The following ERC1 variants were observed in gnomAD, a reference collection of about 807,000 sequenced individuals.
ERC1 encodes RAB6 interacting protein 2.
A neutral mutation model predicts 132.0 loss-of-function variants in ERC1; 56 were observed. The observed-to-expected ratio is 0.42, with a 90% CI of 0.34 to 0.53. The LOEUF is 0.53. Ranked by LOEUF, ERC1 falls within the 20% of genes least tolerant of loss-of-function variation. The pLI is 0.03. For synonymous variants in ERC1, 478 were observed against 476.1 expected, an observed-to-expected ratio of 1.00 and a Z score of -0.05; for missense variants, 1,202 against 1,349.9, an observed-to-expected ratio of 0.89 and a Z score of 1.72.
intron 1 of ERC1, among the ~76,000 whole-genome samples, chr12:996,627 T>G (rs138350177): frequency 9.9e-4 from 150 of 152,210 alleles, no homozygotes; most frequent in African/African-American, 3.3e-3. Flanking sequence ...CAGAACAAAA[T>G]AGGCAACCTG....
At chr12:1,488,742 C>T (rs1234199533) in intron 18 of ERC1, among the ~76,000 whole-genome samples, 3 of 152,184 alleles carry the variant, frequency 2.0e-5, no homozygotes, top group Non-Finnish European at 2.9e-5. Context: ...CTGTCTCCTT[C>T]GTTCTTGGTC....
intron 12 of ERC1, among the ~76,000 whole-genome samples, chr12:1,208,992 G>A (rs1324316979): frequency 8.5e-6 from 1 of 118,046 alleles, no homozygotes; most frequent in Admixed American, 9.6e-5. Flanking sequence ...TTTTTGAGGT[G>A]GAGTCTTGCC....
rs746546910 is a variant in ERC1, at chr12:1,070,829, A to G, written c.670-12335A>G. On this transcript the variant is annotated intron_variant, in intron 2 of 18. Coordinates refer to ENST00000360905, the MANE Select transcript of ERC1 (RefSeq NM_178040.4). ...AGATACAGAACATTTCCATCATCCC[A>G]CAAAGTTCCCTTGCATCTCTCCCCA... 2.6e-5 allele frequency among the ~76,000 whole-genome samples: 4 copies of G among 152,254 alleles called. No individual in the cohort carries two copies. In the South Asian group the frequency reaches 6.2e-4, roughly 24 times the overall value.
chr12:1,161,909 T>C (rs1202129174), intron 8 of ERC1, among the ~76,000 whole-genome samples: 1 of 152,186 alleles, frequency 6.6e-6, no homozygotes, highest in Non-Finnish European at 1.5e-5. Context: ...AATATTGTAA[T>C]ATTTAGGGAG....
chr12:1,166,419 C>T (rs1329229927), intron 8 of ERC1, among the ~76,000 whole-genome samples: 1 of 152,160 alleles, frequency 6.6e-6, no homozygotes, highest in Non-Finnish European at 1.5e-5. Context: ...GTCCATTAAA[C>T]CTCTTTTTCT....
In ERC1 at chr12:1,183,362, G is replaced by A. The variant is rs1954699493; in HGVS notation, c.2098G>A (p.Glu700Lys). ...LKKDSRLKTLEIALEQKKEEC... is the reference protein window; with the variant it reads ...LKKDSRLKTLKIALEQKKEEC... ...AAAGGACTCACGGCTTAAGACACTA[G>A]AGATTGCTTTGGAGCAGAAGAAGGA... Residue 700 changes from glutamate (E) to lysine (K), a missense_variant, in exon 11 of 19, where the codon GAG becomes AAG. Coordinates refer to ENST00000360905, the MANE Select transcript of ERC1 (RefSeq NM_178040.4). The A allele has an allele frequency of 6.2e-7, 1 of 1,600,208 alleles. No homozygotes were observed. The highest frequency in any genetic ancestry group is 1.1e-5 in the South Asian group (1 of 89,234).
At chr12:1,358,709 C>G (rs570917627) in intron 15 of ERC1, among the ~76,000 whole-genome samples, 8 of 152,236 alleles carry the variant, frequency 5.3e-5, no homozygotes, top group Non-Finnish European at 8.8e-5. Flanking sequence ...ATTTGTGAGC[C>G]CTTCTTGGGT....
intron 2 of ERC1, among the ~76,000 whole-genome samples, chr12:1,055,916 C>T (rs1012919261): frequency 3.9e-4 from 59 of 151,712 alleles, no homozygotes; most frequent in African/African-American, 1.2e-3. Context: ...AGGCCCATGG[C>T]GGGAGAATTG....
intron 13 of ERC1, among the ~76,000 whole-genome samples, chr12:1,257,402 A>G (rs2076881353): frequency 6.6e-6 from 1 of 152,220 alleles, no homozygotes; most frequent in Non-Finnish European, 1.5e-5. Context: ...TAAGTTTCGA[A>G]GTAACTCATT....
chr12:993,029 T>C (rs1959967758), intron 1 of ERC1, among the ~76,000 whole-genome samples: 1 of 152,216 alleles, frequency 6.6e-6, no homozygotes, highest in Non-Finnish European at 1.5e-5. Flanking sequence ...TCTAAGTGCC[T>C]ACTTAATGAG....
intron 16 of ERC1, among the ~76,000 whole-genome samples, chr12:1,401,748 TAAAAA>T (rs60523460): frequency 8.2e-4 from 95 of 115,348 alleles, no homozygotes; most frequent in African/African-American, 2.7e-3. Context: ...GGGAGGGCGG[TAAAAA>T]AAAAAAAAAA....
intron 18 of ERC1, among the ~76,000 whole-genome samples, chr12:1,466,701 G>C (rs1240420799): frequency 6.6e-6 from 1 of 152,222 alleles, no homozygotes; most frequent in Non-Finnish European, 1.5e-5. Context: ...GGGCCATTCA[G>C]GGTCTGCTGG....
chr12:1,076,897 T>A (rs537158307), intron 2 of ERC1, among the ~76,000 whole-genome samples: 6 of 152,272 alleles, frequency 3.9e-5, no homozygotes, highest in African/African-American at 1.2e-4. Flanking sequence ...ATACAAAGAA[T>A]TAAATTGCAG....
intron 18 of ERC1, among the ~76,000 whole-genome samples, chr12:1,470,216 T>C (rs2093830554): frequency 6.6e-6 from 1 of 151,654 alleles, no homozygotes; most frequent in African/African-American, 2.4e-5. Context: ...TACCACGCAC[T>C]GGAAATAGCA....
chr12:994,563 G>A (rs1001677166), intron 1 of ERC1, among the ~76,000 whole-genome samples: 2 of 152,084 alleles, frequency 1.3e-5, no homozygotes, highest in African/African-American at 4.8e-5. Flanking sequence ...CTCTTAAGCT[G>A]GTCAAATGAA....
At chr12:1,328,502 G>A (rs971789076) in intron 15 of ERC1, among the ~76,000 whole-genome samples, 2 of 152,000 alleles carry the variant, frequency 1.3e-5, no homozygotes, top group African/African-American at 2.4e-5. Context: ...TTTTCCAAAG[G>A]CTTCTTATCC....
chr12:1,394,985 T>C (rs12312647), intron 16 of ERC1, among the ~76,000 whole-genome samples: 45,233 of 152,142 alleles, frequency 0.3, 6,919 homozygotes, highest in Middle Eastern at 0.35. Context: ...TCTTCTTTTC[T>C]TTAGATATGG....
intron 15 of ERC1, among the ~76,000 whole-genome samples, chr12:1,290,678 C>G (rs1303441296): frequency 6.6e-6 from 1 of 152,198 alleles, no homozygotes; most frequent in African/African-American, 2.4e-5. Context: ...TGTACCCTCT[C>G]ATTTACCATT....
At chr12:1,389,160 G>T (rs1287111926) in intron 16 of ERC1, among the ~76,000 whole-genome samples, 5 of 152,142 alleles carry the variant, frequency 3.3e-5, no homozygotes, top group African/African-American at 9.7e-5. Context: ...TAATTAAAAT[G>T]AGTAATCAAG....
Sources: gnomAD v4.1 joint callset for allele counts (sites outside exome capture counted in the v4.1 genomes callset) on GRCh38, gnomAD v4.1.1 for gene constraint, MANE v1.5 for transcripts, NCBI Gene and HGNC (gene_info 2026-07-23, HGNC 2026-07-21) for gene names.